HYAL4: variants seen among roughly 807,000 people sequenced by gnomAD.
HYAL4 encodes the protein hyaluronidase-4.
HYAL4 carries 37 observed loss-of-function variants against 35.2 expected under a neutral mutation model. That is an observed-to-expected ratio of 1.05 (90% confidence interval 0.81 to 1.38). The LOEUF (loss-of-function observed/expected upper bound fraction) is 1.38. Ranked by LOEUF, HYAL4 falls within the 40% of genes most tolerant of loss-of-function variation. The pLI is 0.00. For synonymous variants in HYAL4, 198 were observed against 203.2 expected (o/e 0.97, Z 0.22); for missense variants, 572 against 572.4 (o/e 1.00, Z 0.01).
the HYAL4 span, among the ~76,000 whole-genome samples, chr7:123,782,982 C>T: frequency 6.6e-6 from 1 of 151,558 alleles, no homozygotes; most frequent in South Asian, 2.1e-4. Flanking sequence ...AATTTTTTAT[C>T]ATTATGTAAA....
chr7:123,804,603 C>T, the HYAL4 span, among the ~76,000 whole-genome samples: 4 of 151,448 alleles, frequency 2.6e-5, no homozygotes, highest in Admixed American at 6.6e-5. Flanking sequence ...TATATGTTTC[C>T]TTCCTTCCAG....
intron 3 of HYAL4, among the ~76,000 whole-genome samples, chr7:123,869,844 C>CCG (rs113930511): frequency 7.5e-4 from 111 of 148,482 alleles, no homozygotes; most frequent in African/African-American, 2.5e-3. Context: ...CTCACCCCCC[C>CCG]CCACCCAGCT....
At chr7:123,861,994 C>T (rs982852351) in intron 2 of HYAL4, among the ~76,000 whole-genome samples, 2 of 152,056 alleles carry the variant, frequency 1.3e-5, no homozygotes, top group Non-Finnish European at 2.9e-5. Flanking sequence ...TTTGCTTTTT[C>T]TGCTGGAATA....
chr7:123,791,122 C>T, the HYAL4 span, among the ~76,000 whole-genome samples: 1 of 152,208 alleles, frequency 6.6e-6, no homozygotes, highest in East Asian at 1.9e-4. Context: ...TCTGTTTATG[C>T]TGGTAACGAT....
intron 2 of HYAL4, among the ~76,000 whole-genome samples, chr7:123,849,677 A>G (rs947902758): frequency 6.6e-6 from 1 of 152,162 alleles, no homozygotes; most frequent in African/African-American, 2.4e-5. Context: ...TTGTTCCTTC[A>G]TAGACATGCT....
the HYAL4 span, among the ~76,000 whole-genome samples, chr7:123,776,511 T>G: frequency 6.6e-6 from 1 of 152,158 alleles, no homozygotes; most frequent in African/African-American, 2.4e-5. Flanking sequence ...ACTTCCGGGC[T>G]CAAGTGATCC....
chr7:123,862,624 A>G (rs1806599676), intron 2 of HYAL4, among the ~76,000 whole-genome samples: 2 of 152,212 alleles, frequency 1.3e-5, no homozygotes, highest in Non-Finnish European at 2.9e-5. Flanking sequence ...AGTGCAATTA[A>G]TTTATTGATT....
the HYAL4 span, chr7:123,819,360 T>C: frequency 1.3e-5 from 2 of 152,750 alleles, no homozygotes; most frequent in Non-Finnish European, 2.9e-5. Flanking sequence ...GTGCATGCAA[T>C]TGGCGAAAGT....
the HYAL4 span, among the ~76,000 whole-genome samples, chr7:123,813,113 T>G: frequency 6.6e-6 from 1 of 152,178 alleles, no homozygotes; most frequent in Non-Finnish European, 1.5e-5. Flanking sequence ...TTCCTGAATT[T>G]AGTACGTTAA....
intron 2 of HYAL4, among the ~76,000 whole-genome samples, chr7:123,858,580 A>C (rs1584920398): frequency 6.6e-6 from 1 of 152,060 alleles, no homozygotes; most frequent in African/African-American, 2.4e-5. Context: ...AGTGTGCAAG[A>C]TCCTCTCCCA....
chr7:123,820,940 T>C, the HYAL4 span, among the ~76,000 whole-genome samples: 2 of 152,196 alleles, frequency 1.3e-5, no homozygotes, highest in African/African-American at 4.8e-5. Flanking sequence ...CACAGAATAA[T>C]GTCCCCCAGG....
chr7:123,836,415 T>G (rs973122679), intron 1 of HYAL4, among the ~76,000 whole-genome samples: 1 of 152,206 alleles, frequency 6.6e-6, no homozygotes, highest in Admixed American at 6.5e-5. Flanking sequence ...TCACTTTTAG[T>G]GTCCATTTGC....
chr7:123,841,165 A>G (rs1444249316), upstream of HYAL4, among the ~76,000 whole-genome samples: 1 of 151,960 alleles, frequency 6.6e-6, no homozygotes, highest in East Asian at 1.9e-4. Context: ...ATGTTCCCTC[A>G]ATACCTAATT....
At chr7:123,779,521 T>C in the HYAL4 span, among the ~76,000 whole-genome samples, 1 of 152,120 alleles carries the variant, frequency 6.6e-6, no homozygotes, top group Non-Finnish European at 1.5e-5. Context: ...TAAAATAATA[T>C]AATGAAAATA....
At chr7:123,817,932 T>C in the HYAL4 span, among the ~76,000 whole-genome samples, 2 of 150,684 alleles carry the variant, frequency 1.3e-5, no homozygotes, top group East Asian at 4.0e-4. Flanking sequence ...AGCTGGAGTT[T>C]AGTGACAGGA....
chr7:123,853,354 A>T (rs1204521882), intron 2 of HYAL4, among the ~76,000 whole-genome samples: 1 of 152,180 alleles, frequency 6.6e-6, no homozygotes. Context: ...ATTCAGTATG[A>T]TATTGGCTGT....
chr7:123,846,869 A>T (rs1379529774), intron 1 of HYAL4, among the ~76,000 whole-genome samples: 1 of 152,140 alleles, frequency 6.6e-6, no homozygotes, highest in East Asian at 1.9e-4. Flanking sequence ...GAATCGACCC[A>T]GCTTAAGGTA....
At chr7:123,804,227 G>A in the HYAL4 span, among the ~76,000 whole-genome samples, 2 of 152,230 alleles carry the variant, frequency 1.3e-5, no homozygotes, top group African/African-American at 4.8e-5. Flanking sequence ...TGGTGAGTGT[G>A]GTTATGCACA....
the HYAL4 span, among the ~76,000 whole-genome samples, chr7:123,795,078 AT>A: frequency 6.6e-6 from 1 of 152,330 alleles, no homozygotes; most frequent in South Asian, 2.1e-4. Flanking sequence ...AAAGGAGATA[AT>A]TTTTTAACTT....
Sources: gnomAD v4.1 joint callset for allele counts (sites outside exome capture counted in the v4.1 genomes callset) on GRCh38, gnomAD v4.1.1 for gene constraint, MANE v1.5 for transcripts, NCBI Gene and HGNC (gene_info 2026-07-23, HGNC 2026-07-21) for gene names.